Variants in MEX3C observed in about 807,000 individuals in gnomAD.
The protein encoded by MEX3C is mex-3 RNA binding family member C.
MEX3C carries 15 observed loss-of-function variants against 35.5 expected under a neutral mutation model. The ratio of observed to expected loss-of-function variants is 0.42; its 90% confidence interval spans 0.28 to 0.65. MEX3C has a LOEUF of 0.65. Among genes scored for constraint, MEX3C ranks in the 30% least tolerant of loss-of-function variants. The pLI is 0.20. For synonymous variants in MEX3C, 390 were observed against 352.8 expected (o/e 1.11, Z -1.18); for missense variants, 711 against 842.8 (o/e 0.84, Z 1.94).
chr18:51,193,197 T>A (rs576303651), intron 1 of MEX3C: 5 of 148,936 alleles, frequency 3.4e-5, no homozygotes, highest in South Asian at 4.1e-4. Context: ...AGTATGCACA[T>A]TTTTTTTGGA....
chr18:51,182,627 C>G (rs1462658503), intron 1 of MEX3C, among the ~76,000 whole-genome samples: 2 of 152,176 alleles, frequency 1.3e-5, no homozygotes, highest in African/African-American at 4.8e-5. Context: ...AGCTAGAACT[C>G]TGGTCCTCTC....
Position 51,177,060 on chromosome 18 carries a change from G to T in MEX3C, c.1271C>A (p.Ala424Glu), listed in dbSNP as rs764461748. The change falls in exon 2 of 2, where the codon GCG (alanine) becomes GAG (glutamate). Residue 424 changes from alanine (A) to glutamate (E), a missense_variant. Physicochemically the swap from Ala to Glu is moderately radical, Grantham distance 107. Coordinates refer to ENST00000406189, the MANE Select transcript of MEX3C (RefSeq NM_016626.5). The surrounding 1 kb of genome is among the most constrained non-coding windows in gnomAD (Gnocchi z 4.2). Reference sequence around the variant, plus strand: ...AGGAACAGGATTGGAGGAGAGCCACGCAGAGCCAAGAGTGCCACCTTCAAA... The same window carrying T: ...AGGAACAGGATTGGAGGAGAGCCACTCAGAGCCAAGAGTGCCACCTTCAAA... ...VSFEGGTLGS[A>E]WLSSNPVPPS... is the part of the protein sequence containing the mutation. The T allele has an allele frequency of 6.2e-7, 1 of 1,613,864 alleles. No homozygotes were observed.
chr18:51,193,280 T>C (rs1912696381), intron 1 of MEX3C: 1 of 152,166 alleles, frequency 6.6e-6, no homozygotes, highest in South Asian at 2.1e-4. Flanking sequence ...CATAGACCAT[T>C]AATTAAAGTC....
In MEX3C at chr18:51,175,455, AAAAAAT is replaced by A. The variant is rs750059355; in HGVS notation, c.*890_*895del. On this transcript the variant is annotated 3_prime_UTR_variant, in exon 2 of 2. Transcript: ENST00000406189. The stretch of plus-strand genomic sequence containing the variant: ...TCCCTCCTCCCTCCCCTAAATTACT[AAAAAAT>A]AAAAATATATTTATAATGTGCAAGA... 2.6e-5 allele frequency: 4 copies of A among 152,770 alleles called. No homozygotes were observed. The highest frequency in any genetic ancestry group is 2.9e-5 in the Non-Finnish European group (2 of 68,030). The allele number at this position is 152,770 out of a possible 1,614,324, so 9.5% of individuals were successfully genotyped here.
Position 51,197,677 on chromosome 18 carries a change from C to T in MEX3C, c.-357G>A, listed in dbSNP as rs927256851. 4.6e-5 allele frequency among the ~76,000 whole-genome samples: 7 copies of T among 151,452 alleles called. No individual in the cohort carries two copies. Among genetic ancestry groups the T allele is most frequent in the African/African-American group, 1.5e-4 (6 of 41,214 alleles). ...GGCGGCTACGCCCCACGCCGCTCTC[C>T]GAATGAAGCCGGCGCGCTCTGATTG... On this transcript the variant is annotated 5_prime_UTR_variant, in exon 1 of 2. Coordinates refer to ENST00000406189, the MANE Select transcript of MEX3C (RefSeq NM_016626.5).
rs551594347 is a variant in MEX3C at position 51,184,525 on chromosome 18, T to A, written c.755-6949A>T. ...TATATTACATTCTTATTCAATACCC[T>A]ACAAGACATTCTGGAAGTCTCTCAA... is the stretch of plus-strand genomic sequence containing the variant. On this transcript the variant is annotated intron_variant, in intron 1 of 1. Transcript: ENST00000406189. 2.1e-3 allele frequency among the ~76,000 whole-genome samples: 318 copies of A among 152,338 alleles called. 1 individual carries two copies. The highest frequency in any genetic ancestry group is 7.5e-3 in the African/African-American group (311 of 41,582).
chr18:51,190,458 T>G (rs757412596), intron 1 of MEX3C, among the ~76,000 whole-genome samples: 4 of 152,234 alleles, frequency 2.6e-5, no homozygotes, highest in Non-Finnish European at 5.9e-5. Flanking sequence ...ACCAAATTAC[T>G]TATGCTTACC....
chr18:51,176,527 A>T lies in MEX3C; in HGVS notation c.1804T>A (p.Ser602Thr). Residue 602 changes from serine to threonine, a missense_variant, in exon 2 of 2, where the codon TCA becomes ACA. By Grantham distance (58) the Ser-to-Thr change is moderately conservative (BLOSUM62 1). Coordinates refer to ENST00000406189, the MANE Select transcript of MEX3C (RefSeq NM_016626.5). ...ATCACACAGTCGTGCTTTCGTCTTG[A>T]TTCTGGAGGTGAGCTAGAGGTGGAA... ...GGSTSSSPPE[S>T]RRKHDCVICF... 1.2e-6 allele frequency: 2 copies of T among 1,613,972 alleles called. No individual in the cohort carries two copies. The highest frequency in any genetic ancestry group is 1.7e-6 in the Non-Finnish European group (2 of 1,179,892).
intron 1 of MEX3C, chr18:51,195,038 T>A (rs2144560706): frequency 6.6e-6 from 1 of 151,964 alleles, no homozygotes; most frequent in African/African-American, 2.4e-5. Context: ...GTTATCTTCT[T>A]AAGGGCAGAA....
intron 1 of MEX3C, among the ~76,000 whole-genome samples, chr18:51,189,446 T>C (rs1356770754): frequency 2.0e-5 from 3 of 152,188 alleles, no homozygotes; most frequent in Admixed American, 1.3e-4. Context: ...CTTATTTTCC[T>C]AAATCCCAAT....
intron 1 of MEX3C, among the ~76,000 whole-genome samples, chr18:51,185,902 T>C (rs1568233505): frequency 6.6e-6 from 1 of 151,736 alleles, no homozygotes; most frequent in Non-Finnish European, 1.5e-5. Flanking sequence ...CTCTCTATAA[T>C]AAACAAATAA....
chr18:51,179,006 T>C (rs894760569), intron 1 of MEX3C, among the ~76,000 whole-genome samples: 9 of 151,674 alleles, frequency 5.9e-5, no homozygotes, highest in African/African-American at 2.2e-4. Context: ...AGTCAGATGA[T>C]GCTTTTTTTC....
chr18:51,193,363 A>G (rs1217105263), intron 1 of MEX3C: 1 of 152,228 alleles, frequency 6.6e-6, no homozygotes, highest in Non-Finnish European at 1.5e-5. Flanking sequence ...AACTGAATTT[A>G]TGACATTTAG....
At chr18:51,196,018 TAA>T (rs1166787744) in intron 1 of MEX3C, 1 of 153,854 alleles carries the variant, frequency 6.5e-6, no homozygotes, top group African/African-American at 2.4e-5. Context: ...TTTCCAAAGC[TAA>T]GTTTCTCAAC....
In MEX3C at chr18:51,196,978, C is replaced by G; in HGVS notation, c.343G>C (p.Gly115Arg). Residue 115 changes from glycine to arginine, a missense_variant, in exon 1 of 2, where the codon GGG (glycine) becomes CGG (arginine). Gly to Arg is a moderately radical substitution (Grantham distance 125). This residue lies in a region of MEX3C where 354 missense variants were observed against 311.6 expected (regional missense o/e 1.14). Coordinates refer to ENST00000406189, the MANE Select transcript of MEX3C (RefSeq NM_016626.5). Reference sequence around the variant, plus strand: ...TCTCCGTCCAGCTCCGCTTCCTCCCCCTCCTCCTCGTCCTCTTCCAGCTCC... The same window carrying G: ...TCTCCGTCCAGCTCCGCTTCCTCCCGCTCCTCCTCGTCCTCTTCCAGCTCC... ...ELELEEDEEE[G>R]EEAELDGDLL... 1.9e-6 allele frequency: 3 copies of G among 1,539,782 alleles called. No homozygotes were observed. The highest frequency in any genetic ancestry group is 2.6e-6 in the Non-Finnish European group (3 of 1,144,704).
intron 1 of MEX3C, among the ~76,000 whole-genome samples, chr18:51,183,673 T>A (rs1912475049): frequency 2.0e-5 from 3 of 152,198 alleles, no homozygotes; most frequent in Non-Finnish European, 4.4e-5. Context: ...GACCTAATCA[T>A]AAGTTTTTTA....
chr18:51,196,400 G>A (rs565878739), intron 1 of MEX3C, 167 bp downstream of exon 1: 32 of 1,383,654 alleles, frequency 2.3e-5, no homozygotes, highest in South Asian at 1.7e-4. Context: ...GTTTTCGCAA[G>A]GTGACCCATC....
chr18:51,181,817 A>T (rs941331955), intron 1 of MEX3C, among the ~76,000 whole-genome samples: 35 of 152,208 alleles, frequency 2.3e-4, no homozygotes, highest in Non-Finnish European at 4.6e-4. Context: ...TTTTTAATAA[A>T]TTTTGAGTCA....
At position 51,196,911 on chromosome 18, in the gene MEX3C, T is replaced by G. The variant is rs1255211271; in HGVS notation, c.410A>C (p.Asp137Ala). The change falls in exon 1 of 2, where the codon GAC (aspartate) becomes GCC (alanine). Residue 137 changes from aspartate (D) to alanine (A), a missense_variant. Asp to Ala is a moderately radical substitution (Grantham distance 126). Coordinates refer to ENST00000406189, the MANE Select transcript of MEX3C (RefSeq NM_016626.5). Reference protein sequence around the residue: ...EEELEEAEEEDRSSLLLLSPP... With the variant: ...EEELEEAEEEARSSLLLLSPP... ...CGACAGCAGCAGCAGCGACGACCGG[T>G]CCTCCTCCTCTGCTTCCTCCAGCTC... is the stretch of plus-strand genomic sequence containing the variant. The G allele has an allele frequency of 6.5e-7, 1 of 1,542,512 alleles. No homozygotes were observed. Among genetic ancestry groups the G allele is most frequent in the African/African-American group, 1.4e-5 (1 of 72,048 alleles).
Sources: allele counts gnomAD v4.1 joint callset (sites outside exome capture counted in the v4.1 genomes callset), GRCh38; gene constraint gnomAD v4.1.1; regional missense constraint gnomAD v4.1.1; non-coding constraint Gnocchi (gnomAD v3.1); transcripts MANE v1.5; gene names NCBI Gene and HGNC (gene_info 2026-07-23, HGNC 2026-07-21).